Variants in ZSWIM4 observed in about 807,000 individuals in gnomAD.
ZSWIM4 encodes the protein zinc finger SWIM-type containing 4, also known as zinc finger SWIM domain-containing protein 4.
Under a neutral mutation model 102.5 loss-of-function variants are expected in ZSWIM4, and 62 were observed. That is an observed-to-expected ratio of 0.60 (90% CI 0.49 to 0.75). ZSWIM4 has a LOEUF of 0.75. Among genes scored for constraint, ZSWIM4 ranks in the 30% least tolerant of loss-of-function variants. The probability of loss-of-function intolerance (pLI) is 0.00; values close to 1 mark genes in which losing one functional copy is unlikely to be tolerated. For synonymous variants in ZSWIM4, 652 were observed against 674.5 expected (o/e 0.97, Z 0.52); for missense variants, 1,280 against 1,529.6 (o/e 0.84, Z 2.72).
chr19:13,823,047 A>G (rs912796783), intron 10 of ZSWIM4, among the ~76,000 whole-genome samples: 2 of 151,950 alleles, frequency 1.3e-5, no homozygotes, highest in African/African-American at 2.4e-5. Flanking sequence ...GCTACTCAGG[A>G]GGCTGAAGTG....
At chr19:13,819,855 T>G (rs1183959425) in intron 10 of ZSWIM4, among the ~76,000 whole-genome samples, 1 of 149,674 alleles carries the variant, frequency 6.7e-6, no homozygotes, top group Non-Finnish European at 1.5e-5. Context: ...TTGTTTTTTT[T>G]TTTTTTGAGA....
chr19:13,797,433 GGGACCCTGAACAA>G (rs1974641018), intron 1 of ZSWIM4, among the ~76,000 whole-genome samples: 1 of 152,138 alleles, frequency 6.6e-6, no homozygotes, highest in Non-Finnish European at 1.5e-5. Flanking sequence ...TCACAGCTCT[GGGACCCTGAACAA>G]GTGAATTCAT....
intron 11 of ZSWIM4, 103 bp downstream of exon 11, chr19:13,823,603 C>G (rs1020174101): frequency 2.7e-5 from 37 of 1,371,416 alleles, no homozygotes; most frequent in Non-Finnish European, 3.5e-5. Flanking sequence ...TCACAAACTT[C>G]CCCCTGCATT....
intron 2 of ZSWIM4, among the ~76,000 whole-genome samples, chr19:13,800,128 C>T (rs11879573): frequency 0.019 from 2,573 of 136,462 alleles, 68 homozygotes; most frequent in African/African-American, 0.07. Context: ...AGTGCAGTGG[C>T]GCGATCTCGG....
chr19:13,818,541 G>A (rs1168811845), intron 9 of ZSWIM4, among the ~76,000 whole-genome samples: 1 of 152,066 alleles, frequency 6.6e-6, no homozygotes. Context: ...GAGTGTGCCT[G>A]GAGTCTCTTC....
At chr19:13,813,350 G>A (rs1013045771) in intron 6 of ZSWIM4, among the ~76,000 whole-genome samples, 186 bp downstream of exon 6, 4 of 152,162 alleles carry the variant, frequency 2.6e-5, no homozygotes, top group African/African-American at 7.2e-5. Flanking sequence ...GAGTGCCAAG[G>A]GCAGGAGCAA....
At chr19:13,817,581 C>G (rs1235302618) in intron 8 of ZSWIM4, 141 bp from the exon 9 acceptor site, 1 of 1,190,710 alleles carries the variant, frequency 8.4e-7, no homozygotes, top group South Asian at 1.6e-5. Flanking sequence ...CCCGCGCTCC[C>G]CCAACCCCGT....
intron 10 of ZSWIM4, among the ~76,000 whole-genome samples, chr19:13,821,590 G>C (rs968399130): frequency 5.9e-5 from 9 of 152,108 alleles, no homozygotes; most frequent in Non-Finnish European, 1.3e-4. Flanking sequence ...CCATTGCCCA[G>C]GCTGGATATG....
intron 9 of ZSWIM4, among the ~76,000 whole-genome samples, chr19:13,818,868 C>CTTTTTT (rs35655398): frequency 9.9e-5 from 13 of 131,228 alleles, no homozygotes; most frequent in African/African-American, 2.3e-4. Flanking sequence ...CCTGCCTCCT[C>CTTTTTT]TTTTTTTTTT....
rs774538806 is a variant in ZSWIM4, at chr19:13,830,884, G to A, written c.3155G>A (p.Ser1052Asn). Reference sequence around the variant, plus strand: ...AGCCACTCGCGCCTCACGCACATCAGCCCGCGGCACTATGGGGATTTCATC... The same window carrying A: ...AGCCACTCGCGCCTCACGCACATCAACCCGCGGCACTATGGGGATTTCATC... Reference protein sequence around the residue: ...TTSHSRLTHISPRHYGDFIEF... With the variant: ...TTSHSRLTHINPRHYGDFIEF... The change falls in exon 14 of 14, where the codon AGC becomes AAC. Residue 1052 changes from serine (S) to asparagine (N), a missense_variant. Physicochemically the swap from Ser to Asn is conservative, Grantham distance 46. Coordinates refer to ENST00000590508, the MANE Select transcript of ZSWIM4 (RefSeq NM_001367834.3). 6.2e-7 allele frequency: 1 copy of A among 1,614,192 alleles called. No individual in the cohort carries two copies. Among genetic ancestry groups the A allele is most frequent in the African/African-American group, 1.3e-5 (1 of 75,072 alleles).
At position 13,830,187 on chromosome 19, in the gene ZSWIM4, C is replaced by T. The variant is rs201211224; in HGVS notation, c.2462-4C>T. The T allele has an allele frequency of 5.2e-5, 84 of 1,605,122 alleles. No homozygotes were observed. The highest frequency in any genetic ancestry group is 6.6e-5 in the Non-Finnish European group (78 of 1,174,564). On this transcript the variant is annotated splice_polypyrimidine_tract_variant and splice_region_variant and intron_variant, in intron 13 of 13. Transcript: ENST00000590508. ...ACGGATTTCCCTCCCTCACCTCCCA[C>T]CAGGCCCGCAAGCCCTGATGAATAT...
intron 2 of ZSWIM4, among the ~76,000 whole-genome samples, chr19:13,802,178 G>A (rs574326754): frequency 1.6e-4 from 23 of 144,602 alleles, no homozygotes; most frequent in African/African-American, 5.4e-4. Context: ...GCGTTTCACC[G>A]TGTTAGCCAG....
Position 13,809,195 on chromosome 19 carries a change from G to C in ZSWIM4, c.987G>C (p.Lys329Asn), listed in dbSNP as rs1975006257. The C allele has an allele frequency of 1.2e-6, 2 of 1,610,088 alleles. No individual in the cohort carries two copies. The highest frequency in any genetic ancestry group is 1.7e-5 in the Admixed American group (1 of 59,874). ...AGCAGGGCGCGGGCATGACGGACAA[G>C]TGCCGGCAGCTCTGGGATGAGCTGG... is the stretch of plus-strand genomic sequence containing the variant. Reference protein sequence around the residue: ...WRQQGAGMTDKCRQLWDELGA... With the variant: ...WRQQGAGMTDNCRQLWDELGA... Residue 329 changes from lysine (K) to asparagine (N), a missense_variant, in exon 5 of 14, where the codon AAG becomes AAC. Lys to Asn is a moderately conservative substitution (Grantham distance 94). Transcript: ENST00000590508. The surrounding 1 kb of genome is among the most constrained non-coding windows in gnomAD (Gnocchi z 4.2).
chr19:13,807,930 G>A (rs990048008), intron 3 of ZSWIM4, among the ~76,000 whole-genome samples: 2 of 152,044 alleles, frequency 1.3e-5, no homozygotes, highest in African/African-American at 4.8e-5. Context: ...AGGTTTAATC[G>A]GCTCATAGTT....
At position 13,799,734 on chromosome 19, in the gene ZSWIM4, C is replaced by G. The variant is rs1473814322; in HGVS notation, c.168C>G (p.Phe56Leu). 16 of 1,613,926 alleles carry G rather than the reference C, an allele frequency of 9.9e-6. No individual in the cohort carries two copies. The highest frequency in any genetic ancestry group is 1.6e-4 in the Middle Eastern group (1 of 6,082). The change falls in exon 2 of 14, where the codon TTC (phenylalanine) becomes TTG (leucine). Residue 56 changes from phenylalanine (F) to leucine (L), a missense_variant. Phe to Leu is a conservative substitution (Grantham distance 22, BLOSUM62 0). Coordinates refer to ENST00000590508, the MANE Select transcript of ZSWIM4 (RefSeq NM_001367834.3). Reference sequence around the variant, plus strand: ...CCTTCCTACAGGTGGAGGAGCGGTTCTCCCGGGTGCCTGAGCCCGTCCAGA... The same window carrying G: ...CCTTCCTACAGGTGGAGGAGCGGTTGTCCCGGGTGCCTGAGCCCGTCCAGA... ...SWAFEQVEER[F>L]SRVPEPVQKR...
In ZSWIM4 at chr19:13,819,500, TA is replaced by T; in HGVS notation, c.2060+9del. The T allele has an allele frequency of 6.3e-7, 1 of 1,588,562 alleles. No individual in the cohort carries two copies. Among genetic ancestry groups the T allele is most frequent in the Non-Finnish European group, 8.6e-7 (1 of 1,167,536 alleles). ...CGCGCTGCGAGCTATGAGGTGAGGA[TA>T]GGTGGCCAAGGCAGTGGCAGGGGGA... On this transcript the variant is annotated intron_variant, in intron 10 of 13. Coordinates refer to ENST00000590508, the MANE Select transcript of ZSWIM4 (RefSeq NM_001367834.3).
At chr19:13,829,970 AG>A (rs144713898) in intron 13 of ZSWIM4, among the ~76,000 whole-genome samples, 1 of 152,156 alleles carries the variant, frequency 6.6e-6, no homozygotes, top group Admixed American at 6.5e-5. Context: ...ATGTGGCTGC[AG>A]GGGGTTGAGG....
At chr19:13,804,284 A>G (rs1263979687) in intron 2 of ZSWIM4, among the ~76,000 whole-genome samples, 1 of 151,934 alleles carries the variant, frequency 6.6e-6, no homozygotes, top group Admixed American at 6.6e-5. Flanking sequence ...CAGCCTGACC[A>G]ACATGGAGAA....
intron 6 of ZSWIM4, 96 bp from the exon 7 acceptor site, chr19:13,814,419 C>A: frequency 1.5e-6 from 1 of 647,566 alleles, no homozygotes; most frequent in Non-Finnish European, 2.1e-6. Context: ...TTGCCCAGGC[C>A]TAAACCCCAG....
Sources: gnomAD v4.1 joint callset for allele counts (sites outside exome capture counted in the v4.1 genomes callset) on GRCh38, gnomAD v4.1.1 for gene constraint, Gnocchi (gnomAD v3.1) non-coding constraint, MANE v1.5 for transcripts, NCBI Gene and HGNC (gene_info 2026-07-23, HGNC 2026-07-21) for gene names.